The following SPAG17 variants were observed in gnomAD, a reference collection of about 807,000 sequenced individuals.
SPAG17 encodes the protein sperm associated antigen 17.
Under a neutral mutation model 273.6 loss-of-function variants are expected in SPAG17, and 169 were observed. The ratio of observed to expected loss-of-function variants is 0.62; its 90% CI spans 0.55 to 0.70. The LOEUF is 0.70. Among genes scored for constraint, SPAG17 ranks in the 30% least tolerant of loss-of-function variants. SPAG17 has a pLI of 0.00. For synonymous variants in SPAG17, 825 were observed against 873.2 expected (o/e 0.94, Z 0.97); for missense variants, 2,557 against 2,627.8 (o/e 0.97, Z 0.59).
Position 117,994,506 on chromosome 1 carries a change from C to T in SPAG17, c.5078G>A (p.Arg1693His), listed in dbSNP as rs761981749. The T allele has an allele frequency of 1.1e-5, 18 of 1,611,782 alleles. 1 individual carries two copies. Among genetic ancestry groups the T allele is most frequent in the African/African-American group, 5.4e-5 (4 of 74,754 alleles). The change falls in exon 35 of 49, where the codon CGC becomes CAC. Residue 1693 changes from arginine (R) to histidine (H), a missense_variant. By Grantham distance (29) the Arg-to-His change is conservative (BLOSUM62 0). Coordinates refer to ENST00000336338, the MANE Select transcript of SPAG17 (RefSeq NM_206996.4). ...CCATGGTGATGCTTCATGGAAAGGG[C>T]GAAGGACTGTGATGGTTAGGGTGCC... ...QPGTLTITVL[R>H]PFHEASPWQV...
At chr1:118,093,065 T>C (rs1655488259) in intron 8 of SPAG17, 91 bp downstream of exon 8, 1 of 1,342,376 alleles carries the variant, frequency 7.4e-7, no homozygotes, top group Non-Finnish European at 1.0e-6. Flanking sequence ...TAAGTATTTA[T>C]GTAACTTTTT....
intron 43 of SPAG17, among the ~76,000 whole-genome samples, chr1:117,979,184 A>G (rs1655482370): frequency 6.6e-6 from 1 of 152,082 alleles, no homozygotes; most frequent in South Asian, 2.1e-4. Context: ...GCGTCTTCTT[A>G]ATGGCCTTTA....
intron 36 of SPAG17, 48 bp from the exon 37 acceptor site, chr1:117,991,576 G>A (rs1406535434): frequency 4.2e-6 from 5 of 1,180,896 alleles, no homozygotes; most frequent in South Asian, 1.4e-5. Flanking sequence ...GAATTAGGAA[G>A]AGAGAGATAC....
chr1:118,001,296 C>G (rs2101710479), intron 32 of SPAG17, among the ~76,000 whole-genome samples: 1 of 152,302 alleles, frequency 6.6e-6, no homozygotes, highest in East Asian at 1.9e-4. Context: ...TTTGTTGTGT[C>G]TCTGCCAGGC....
At chr1:118,088,680 T>TAA (rs201906522) in intron 10 of SPAG17, among the ~76,000 whole-genome samples, 5 of 150,650 alleles carry the variant, frequency 3.3e-5, no homozygotes, top group South Asian at 2.1e-4. Context: ...TAGGCAATTG[T>TAA]AAAAAAAAAG....
At chr1:118,101,965 T>C in intron 4 of SPAG17, 39 bp from the exon 5 acceptor site, 1 of 1,554,732 alleles carries the variant, frequency 6.4e-7, no homozygotes, top group Non-Finnish European at 8.8e-7. Flanking sequence ...AATCAAACAG[T>C]GAGCAAGCAA....
At chr1:118,141,201 T>A (rs1280637088) in intron 3 of SPAG17, among the ~76,000 whole-genome samples, 1 of 152,252 alleles carries the variant, frequency 6.6e-6, no homozygotes, top group Non-Finnish European at 1.5e-5. Context: ...GTTATAACTA[T>A]TTTGTTCACC....
At chr1:117,986,711 T>C (rs1656454567) in intron 40 of SPAG17, among the ~76,000 whole-genome samples, 1 of 152,162 alleles carries the variant, frequency 6.6e-6, no homozygotes, top group Non-Finnish European at 1.5e-5. Context: ...GGAGAAGCCT[T>C]TAGGGATATT....
At chr1:118,029,500 C>T (rs1471770236) in intron 25 of SPAG17, among the ~76,000 whole-genome samples, 1 of 151,950 alleles carries the variant, frequency 6.6e-6, no homozygotes, top group Admixed American at 6.6e-5. Flanking sequence ...GGATATCTGT[C>T]CTTTGTTTTC....
intron 47 of SPAG17, chr1:117,965,775 CT>C (rs1653758266): frequency 6.6e-6 from 1 of 152,200 alleles, no homozygotes. Flanking sequence ...CAGTGGTTCA[CT>C]GCTGCTTAAA....
At chr1:118,044,379 G>A (rs1304668857) in intron 20 of SPAG17, among the ~76,000 whole-genome samples, 1 of 152,004 alleles carries the variant, frequency 6.6e-6, no homozygotes, top group East Asian at 1.9e-4. Flanking sequence ...CAGCTACTCG[G>A]GAGGCTGAGG....
chr1:118,129,863 C>T (rs969848757), intron 3 of SPAG17, among the ~76,000 whole-genome samples: 1 of 151,958 alleles, frequency 6.6e-6, no homozygotes, highest in Non-Finnish European at 1.5e-5. Context: ...TACTAAGCTG[C>T]CCCTTTCAGA....
At chr1:117,996,219 A>G in intron 34 of SPAG17, 151 bp downstream of exon 34, 2 of 817,324 alleles carry the variant, frequency 2.4e-6, no homozygotes, top group Non-Finnish European at 3.8e-6. Context: ...TGACTTATTC[A>G]TGTCAACTTA....
chr1:118,093,818 C>A (rs1655543330), intron 7 of SPAG17, among the ~76,000 whole-genome samples: 1 of 152,198 alleles, frequency 6.6e-6, no homozygotes, highest in Non-Finnish European at 1.5e-5. Context: ...TTCTTCTTTT[C>A]CTCCAAGCTC....
At chr1:118,095,509 G>A (rs1655653114) in intron 7 of SPAG17, among the ~76,000 whole-genome samples, 1 of 152,196 alleles carries the variant, frequency 6.6e-6, no homozygotes, top group Non-Finnish European at 1.5e-5. Context: ...ATATACACAA[G>A]TTCCTGATAG....
chr1:118,062,149 C>T (rs550054973), intron 18 of SPAG17, among the ~76,000 whole-genome samples: 223 of 151,972 alleles, frequency 1.5e-3, no homozygotes, highest in Non-Finnish European at 2.4e-3. Context: ...GGGCGGATCA[C>T]GAGGTCAGGA....
At chr1:118,153,843 T>C (rs1558050495) in intron 1 of SPAG17, among the ~76,000 whole-genome samples, 1 of 151,834 alleles carries the variant, frequency 6.6e-6, no homozygotes, top group Non-Finnish European at 1.5e-5. Context: ...AGACTCCGTC[T>C]CAAAGAAAAA....
intron 3 of SPAG17, among the ~76,000 whole-genome samples, chr1:118,144,180 C>G (rs1658840742): frequency 6.6e-6 from 1 of 152,190 alleles, no homozygotes; most frequent in Non-Finnish European, 1.5e-5. Flanking sequence ...ATCTGGGAGG[C>G]AAACGTATTC....
rs1558048931 is a variant in SPAG17 at position 118,151,327 on chromosome 1, T to G, written c.130A>C (p.Ile44Leu). 6.2e-7 allele frequency: 1 copy of G among 1,613,076 alleles called. No individual in the cohort carries two copies. The highest frequency in any genetic ancestry group is 1.1e-5 in the South Asian group (1 of 90,900). Reference protein sequence around the residue: ...ASIAFVVGNQIEDDLLIQALT... With the variant: ...ASIAFVVGNQLEDDLLIQALT... ...GCTTGGATGAGAAGATCATCTTCAA[T>G]CTGGTTCCCAACCACAAAAGCAATG... The change falls in exon 2 of 49, where the codon ATT becomes CTT. Residue 44 changes from isoleucine to leucine, a missense_variant. Transcript: ENST00000336338.
Sources: gnomAD v4.1 joint callset for allele counts (sites outside exome capture counted in the v4.1 genomes callset) on GRCh38, gnomAD v4.1.1 for gene constraint, MANE v1.5 for transcripts, NCBI Gene and HGNC (gene_info 2026-07-23, HGNC 2026-07-21) for gene names.